Variants in CCDC33 observed in about 807,000 individuals in gnomAD.
CCDC33 encodes the protein coiled-coil domain-containing protein 33.
Under a neutral mutation model 91.9 loss-of-function variants are expected in CCDC33, and 94 were observed. The observed-to-expected ratio is 1.02, with a 90% CI of 0.87 to 1.21. The LOEUF is 1.21. Ranked by LOEUF, CCDC33 falls within the 50% of genes most tolerant of loss-of-function variation. The pLI, the probability that CCDC33 is intolerant of heterozygous loss-of-function variation, is 0.00. For synonymous variants in CCDC33, 396 were observed against 374.5 expected, an observed-to-expected ratio of 1.06 and a Z score of -0.66; for missense variants, 940 against 935.5, an observed-to-expected ratio of 1.00 and a Z score of -0.06.
At position 74,330,760 on chromosome 15, in the gene CCDC33, G is replaced by C. The variant is rs1416473762; in HGVS notation, c.1545+9G>C. On this transcript the variant is annotated intron_variant, in intron 13 of 18. Transcript: ENST00000398814. ...AGAATGAGCTGATTCGAGTGAGCTGGGGCTTGTGGGGGCAGAGGGGAGGGA... is the reference window on the plus strand; with the variant it reads ...AGAATGAGCTGATTCGAGTGAGCTGCGGCTTGTGGGGGCAGAGGGGAGGGA... 4.3e-6 allele frequency: 7 copies of C among 1,610,604 alleles called. 1 individual carries two copies. The South Asian group carries it at 7.7e-5, about 18-fold the overall frequency.
chr15:74,333,863 T>A lies in CCDC33; in HGVS notation c.1939-18T>A, dbSNP rs746749615. 5 of 1,607,586 alleles carry A rather than the reference T, an allele frequency of 3.1e-6. No homozygotes were observed. In the Admixed American group the frequency reaches 6.7e-5, roughly 21 times the overall value. ...GCCTCCAGCTGGGGCCAAATGTGAG[T>A]TTGTGCTTTGCCCACAGGATCTCCT... On this transcript the variant is annotated intron_variant, in intron 16 of 18. Coordinates refer to ENST00000398814, the MANE Select transcript of CCDC33 (RefSeq NM_025055.5).
At chr15:74,238,309 G>A (rs2075242915) in intron 1 of CCDC33, among the ~76,000 whole-genome samples, 1 of 151,620 alleles carries the variant, frequency 6.6e-6, no homozygotes, top group Non-Finnish European at 1.5e-5. Context: ...TCGGGAGGCT[G>A]AGACAGGAGA....
At chr15:74,227,027 C>T (rs1324786585) in intron 2 of CCDC33, among the ~76,000 whole-genome samples, 1 of 152,090 alleles carries the variant, frequency 6.6e-6, no homozygotes, top group Admixed American at 6.5e-5. Flanking sequence ...CCCTCTGTAC[C>T]AGAGGCTGCT....
intron 11 of CCDC33, among the ~76,000 whole-genome samples, chr15:74,323,688 C>T (rs556728206): frequency 1.2e-4 from 18 of 152,156 alleles, no homozygotes; most frequent in African/African-American, 4.1e-4. Context: ...CCACCACGCC[C>T]GGCTATTTTT....
At chr15:74,208,029 C>A in intron 1 of CCDC33, 1 of 1,366,712 alleles carries the variant, frequency 7.3e-7, no homozygotes, top group Non-Finnish European at 9.5e-7. Context: ...CTCATGCCCC[C>A]CTCACCAACA....
intron 11 of CCDC33, among the ~76,000 whole-genome samples, chr15:74,315,999 C>A (rs990445359): frequency 1.3e-5 from 2 of 152,134 alleles, no homozygotes; most frequent in Admixed American, 6.5e-5. Flanking sequence ...TTTCCTGGGA[C>A]CCCCTGAAGG....
chr15:74,219,219 C>A (rs2074525627), intron 2 of CCDC33, among the ~76,000 whole-genome samples: 1 of 152,194 alleles, frequency 6.6e-6, no homozygotes, highest in African/African-American at 2.4e-5. Context: ...TCTGTGTGCC[C>A]ACCCTCAAGC....
intron 18 of CCDC33, 163 bp from the exon 19 acceptor site, chr15:74,335,762 T>G (rs1159506947): frequency 1.6e-6 from 1 of 637,588 alleles, no homozygotes; most frequent in African/African-American, 1.8e-5. Context: ...TTGGAGAAAT[T>G]AGGTGTCACC....
intron 1 of CCDC33, chr15:74,209,164 A>G: frequency 1.6e-6 from 2 of 1,284,260 alleles, no homozygotes; most frequent in African/African-American, 1.5e-5. Context: ...GGCACAGAGC[A>G]GGGGCTGGGG....
At chr15:74,231,840 C>A (rs547961952), upstream of CCDC33, among the ~76,000 whole-genome samples, 1 of 152,200 alleles carries the variant, frequency 6.6e-6, no homozygotes, top group Admixed American at 6.5e-5. Flanking sequence ...ACATGGGAAA[C>A]CTTGTCTCTA....
At chr15:74,221,902 A>G (rs984829665) in intron 2 of CCDC33, among the ~76,000 whole-genome samples, 2 of 152,082 alleles carry the variant, frequency 1.3e-5, no homozygotes, top group Admixed American at 1.3e-4. Flanking sequence ...TTGAGACCAT[A>G]GAGCTATGCC....
chr15:74,281,439 CAA>C (rs1308696785), intron 9 of CCDC33, among the ~76,000 whole-genome samples: 1 of 152,254 alleles, frequency 6.6e-6, no homozygotes, highest in African/African-American at 2.4e-5. Flanking sequence ...AGTAAGTTCT[CAA>C]CAAGAATGAA....
At chr15:74,324,476 T>C (rs2060269178) in intron 11 of CCDC33, among the ~76,000 whole-genome samples, 1 of 151,854 alleles carries the variant, frequency 6.6e-6, no homozygotes, top group Admixed American at 6.6e-5. Flanking sequence ...GCCGCAAGAC[T>C]CAAGCGGAAG....
chr15:74,206,225 C>T (rs1005099704), intron 1 of CCDC33, among the ~76,000 whole-genome samples: 2 of 152,298 alleles, frequency 1.3e-5, no homozygotes, highest in Admixed American at 1.3e-4. Flanking sequence ...CCTCCTGGCC[C>T]CCAGCTGCCC....
At chr15:74,293,131 G>T (rs1420707334) in intron 10 of CCDC33, among the ~76,000 whole-genome samples, 1 of 152,106 alleles carries the variant, frequency 6.6e-6, no homozygotes, top group African/African-American at 2.4e-5. Flanking sequence ...ATGGGGGAGG[G>T]AACTCCTTTG....
At chr15:74,334,053 G>T in intron 17 of CCDC33, 86 bp downstream of exon 17, 1 of 1,197,380 alleles carries the variant, frequency 8.4e-7, no homozygotes, top group Non-Finnish European at 1.2e-6. Context: ...CAGAGTCTAG[G>T]CTCAATCTAT....
At chr15:74,229,807 C>T (rs1306739791) in intron 2 of CCDC33, among the ~76,000 whole-genome samples, 1 of 152,226 alleles carries the variant, frequency 6.6e-6, no homozygotes, top group African/African-American at 2.4e-5. Context: ...GCCAATTCTG[C>T]ACCAGGCAAC....
intron 2 of CCDC33, among the ~76,000 whole-genome samples, chr15:74,260,341 A>AGGT (rs1164353854): frequency 1.3e-5 from 2 of 152,198 alleles, no homozygotes; most frequent in East Asian, 3.9e-4. Flanking sequence ...TCCATTCTGC[A>AGGT]GAGCCTGCAG....
intron 2 of CCDC33, among the ~76,000 whole-genome samples, chr15:74,224,601 G>A (rs1046390791): frequency 5.9e-5 from 9 of 152,206 alleles, no homozygotes; most frequent in Non-Finnish European, 1.2e-4. Context: ...GGACCTGGAT[G>A]CTGATTGGGC....
Sources: allele counts gnomAD v4.1 joint callset (sites outside exome capture counted in the v4.1 genomes callset), GRCh38; gene constraint gnomAD v4.1.1; transcripts MANE v1.5; gene names NCBI Gene and HGNC (gene_info 2026-07-23, HGNC 2026-07-21).